The following SPTBN1 variants were observed in gnomAD, a reference collection of about 807,000 sequenced individuals.
SPTBN1 encodes spectrin beta chain, non-erythrocytic 1.
SPTBN1 carries 32 observed loss-of-function variants against 266.4 expected under a neutral mutation model. The ratio of observed to expected loss-of-function variants is 0.12; its 90% confidence interval spans 0.09 to 0.16. SPTBN1 has a LOEUF of 0.16. SPTBN1 is among the 10% of genes least tolerant of loss of function. The pLI is 1.00. For missense variants in SPTBN1, 2,296 were observed against 3,067.1 expected, an observed-to-expected ratio of 0.75 and a Z score of 5.94; for synonymous variants, 1,336 against 1,162.2, an observed-to-expected ratio of 1.15 and a Z score of -3.04.
chr2:54,615,373 CCT>C, intron 4 of SPTBN1, among the ~76,000 whole-genome samples: 2 of 152,264 alleles, frequency 1.3e-5, no homozygotes, highest in Admixed American at 1.3e-4. Flanking sequence ...ACCATCCACT[CCT>C]GACTCCATTC....
chr2:54,541,896 T>C (rs896078818), intron 2 of SPTBN1, among the ~76,000 whole-genome samples: 1 of 152,262 alleles, frequency 6.6e-6, no homozygotes, highest in East Asian at 1.9e-4. Context: ...AAGTAGTGTT[T>C]ACGTGTACCA....
rs539989468 is a variant in SPTBN1 at position 54,463,980 on chromosome 2, C to T, written c.-48+7462C>T. On this transcript the variant is annotated intron_variant, in intron 1 of 35. Coordinates refer to ENST00000356805, the MANE Select transcript of SPTBN1 (RefSeq NM_003128.3). ...AGGTCGATAACTGTAAGTTCAAACT[C>T]ACCAGTGTATGAAATACAGACTAAA... 2.6e-5 allele frequency among the ~76,000 whole-genome samples: 4 copies of T among 152,308 alleles called. No individual in the cohort carries two copies. In the East Asian group the frequency reaches 5.8e-4, roughly 22 times the overall value.
At chr2:54,526,650 G>A in intron 2 of SPTBN1, 84 bp downstream of exon 2, 9 of 1,457,298 alleles carry the variant, frequency 6.2e-6, no homozygotes, top group Admixed American at 4.6e-5. Flanking sequence ...TTCCCATGAC[G>A]CTGTCATGTT....
intron 2 of SPTBN1, among the ~76,000 whole-genome samples, chr2:54,585,651 G>A (rs1267524374): frequency 1.3e-5 from 2 of 152,284 alleles, no homozygotes; most frequent in South Asian, 2.1e-4. Context: ...TGGTAGCTGA[G>A]TATCAATTGT....
chr2:54,487,832 C>CTTTTATTTTTTTTTTTTTT (rs1668486425), intron 1 of SPTBN1, among the ~76,000 whole-genome samples: 1 of 68,644 alleles, frequency 1.5e-5, no homozygotes, highest in East Asian at 4.9e-4. Flanking sequence ...CCTCCTGTGT[C>CTTTTATTTTTTTTTTTTTT]TTTTTTTTTT....
rs895520080 is a variant in SPTBN1, at chr2:54,509,363, G to A, written c.-47-17009G>A. On this transcript the variant is annotated intron_variant, in intron 1 of 35. Transcript: ENST00000356805. ...AAGAGTGAGTACAGCTGAAGGAGCC[G>A]GGGAGCAGAAAGTATATGCATCAGG... 3.2e-4 allele frequency among the ~76,000 whole-genome samples: 48 copies of A among 150,148 alleles called. 1 individual carries two copies. Among genetic ancestry groups the A allele is most frequent in the Middle Eastern group, 6.8e-3 (2 of 294 alleles).
Position 54,631,434 on chromosome 2 carries a change from C to T in SPTBN1, c.3387C>T (p.Thr1129=), listed in dbSNP as rs552215639. 5 of 1,614,246 alleles carry T rather than the reference C, an allele frequency of 3.1e-6. No individual in the cohort carries two copies. Among genetic ancestry groups the T allele is most frequent in the Admixed American group, 1.7e-5 (1 of 60,032 alleles). Residue 1129 remains threonine (T), a synonymous_variant, in exon 16 of 36, where the codon ACC becomes ACT. Transcript: ENST00000356805. ...QKMRDMGEMV[T]QGQTDAQYMF... ...TGAGGGACATGGGCGAGATGGTCACCCAGGGGCAGACCGATGCCCAGTACA... is the reference window on the plus strand; with the variant it reads ...TGAGGGACATGGGCGAGATGGTCACTCAGGGGCAGACCGATGCCCAGTACA...
At chr2:54,548,177 A>G (rs1311166143) in intron 2 of SPTBN1, among the ~76,000 whole-genome samples, 1 of 152,160 alleles carries the variant, frequency 6.6e-6, no homozygotes, top group Admixed American at 6.5e-5. Context: ...GTGATGAATA[A>G]ATCCATTTGT....
chr2:54,580,003 A>G (rs1229074979), intron 2 of SPTBN1, among the ~76,000 whole-genome samples: 1 of 152,200 alleles, frequency 6.6e-6, no homozygotes, highest in African/African-American at 2.4e-5. Flanking sequence ...GACCTGTATG[A>G]CCTTCTTTAT....
intron 31 of SPTBN1, 62 bp from the exon 32 acceptor site, chr2:54,659,874 T>TA: frequency 6.4e-7 from 1 of 1,571,142 alleles, no homozygotes; most frequent in Non-Finnish European, 8.7e-7. Context: ...CACCCTTTCT[T>TA]ACTGTTTCCT....
At chr2:54,627,144 T>G (rs544399036) in intron 12 of SPTBN1, among the ~76,000 whole-genome samples, 26 of 152,334 alleles carry the variant, frequency 1.7e-4, no homozygotes, top group Non-Finnish European at 3.7e-4. Context: ...CCTCTTGGAC[T>G]GTTCCTGACA....
chr2:54,623,578 C>T lies in SPTBN1; in HGVS notation c.1164C>T (p.Leu388=). ...QKVYMPREGK[L]ISDINKAWER... ...TCTACATGCCCCGGGAGGGGAAGCT[C>T]ATCTCTGACATCAACAAGGTAAAGT... The change falls in exon 10 of 36, where the codon CTC becomes CTT. Residue 388 remains leucine (L), a synonymous_variant. Coordinates refer to ENST00000356805, the MANE Select transcript of SPTBN1 (RefSeq NM_003128.3). 1.2e-6 allele frequency: 2 copies of T among 1,613,958 alleles called. No individual in the cohort carries two copies. Among genetic ancestry groups the T allele is most frequent in the South Asian group, 1.1e-5 (1 of 91,058 alleles).
Position 54,628,332 on chromosome 2 carries a change from A to G in SPTBN1, c.1798+82A>G. ...GAAACACAGTGGGGCTTTTGAAGTTACTGTGCCACTATACATTCCTGGTGG... is the reference window on the plus strand; with the variant it reads ...GAAACACAGTGGGGCTTTTGAAGTTGCTGTGCCACTATACATTCCTGGTGG... On this transcript the variant is annotated intron_variant, in intron 13 of 35. Coordinates refer to ENST00000356805, the MANE Select transcript of SPTBN1 (RefSeq NM_003128.3). The surrounding 1 kb of genome is among the most constrained non-coding windows in gnomAD (Gnocchi z 4.3). 6.8e-7 allele frequency: 1 copy of G among 1,462,928 alleles called. No homozygotes were observed. The highest frequency in any genetic ancestry group is 9.1e-7 in the Non-Finnish European group (1 of 1,103,490). The allele number at this position is 1,462,928 out of a possible 1,614,324, so 90.6% of individuals were successfully genotyped here.
intron 3 of SPTBN1, among the ~76,000 whole-genome samples, chr2:54,608,526 C>A (rs1200128823): frequency 6.6e-6 from 1 of 152,084 alleles, no homozygotes; most frequent in East Asian, 1.9e-4. Context: ...TGTGCATCCT[C>A]CTGGCATCTT....
At chr2:54,515,471 A>T (rs1273304349) in intron 1 of SPTBN1, among the ~76,000 whole-genome samples, 1 of 152,054 alleles carries the variant, frequency 6.6e-6, no homozygotes, top group Admixed American at 6.6e-5. Flanking sequence ...TAGCTTGGAT[A>T]GTGTTTTTCA....
chr2:54,511,316 A>G (rs1328809229), intron 1 of SPTBN1, among the ~76,000 whole-genome samples: 1 of 152,216 alleles, frequency 6.6e-6, no homozygotes, highest in East Asian at 1.9e-4. Flanking sequence ...AGTCATGTGC[A>G]GGCCTCTAAT....
chr2:54,590,381 AGTT>A (rs1173867211), intron 2 of SPTBN1, among the ~76,000 whole-genome samples: 2 of 152,232 alleles, frequency 1.3e-5, no homozygotes, highest in African/African-American at 4.8e-5. Flanking sequence ...TCGAGAACCT[AGTT>A]GTTGGACACT....
chr2:54,648,290 C>T (rs984551134), intron 24 of SPTBN1, among the ~76,000 whole-genome samples: 3 of 152,150 alleles, frequency 2.0e-5, no homozygotes, highest in Non-Finnish European at 4.4e-5. Flanking sequence ...AAGTGGCCTT[C>T]CTAGTCTCCA....
At chr2:54,505,441 T>G (rs1323903721) in intron 1 of SPTBN1, among the ~76,000 whole-genome samples, 2 of 152,240 alleles carry the variant, frequency 1.3e-5, no homozygotes, top group South Asian at 2.1e-4. Flanking sequence ...CGAATACCTC[T>G]CTGCTCTCTG....
Sources: allele counts gnomAD v4.1 joint callset (sites outside exome capture counted in the v4.1 genomes callset), GRCh38; gene constraint gnomAD v4.1.1; non-coding constraint Gnocchi (gnomAD v3.1); transcripts MANE v1.5; gene names NCBI Gene and HGNC (gene_info 2026-07-23, HGNC 2026-07-21).